The following NCAM1 variants were observed in gnomAD, a reference collection of about 807,000 sequenced individuals.
NCAM1 encodes neural cell adhesion molecule 1.
In NCAM1, 14 loss-of-function variants were observed where a neutral mutation model predicts 109.8. That is an observed-to-expected ratio of 0.13 (90% CI 0.08 to 0.20). The LOEUF (loss-of-function observed/expected upper bound fraction) is 0.20, where lower values mean the gene tolerates loss of function less well. NCAM1 is among the 10% of genes least tolerant of loss of function. The pLI, the probability that NCAM1 is intolerant of heterozygous loss-of-function variation, is 1.00. For missense variants in NCAM1, 774 were observed against 1,109.9 expected (o/e 0.70, Z 4.30); for synonymous variants, 418 against 442.9 (o/e 0.94, Z 0.70).
At chr11:113,126,247 G>A (rs1466889729) in intron 1 of NCAM1, among the ~76,000 whole-genome samples, 1 of 151,622 alleles carries the variant, frequency 6.6e-6, no homozygotes, top group East Asian at 1.9e-4. Context: ...AATAAAAACA[G>A]TAAATAGCTG....
chr11:113,127,567 C>T (rs1179630402), intron 1 of NCAM1, among the ~76,000 whole-genome samples: 1 of 152,122 alleles, frequency 6.6e-6, no homozygotes. Flanking sequence ...TATTTTTAAA[C>T]CCCCATTGCT....
At chr11:113,039,542 G>T (rs1341729509) in intron 1 of NCAM1, among the ~76,000 whole-genome samples, 1 of 152,140 alleles carries the variant, frequency 6.6e-6, no homozygotes, top group East Asian at 1.9e-4. Context: ...AAACCAAAAA[G>T]CAGACCAATT....
At chr11:113,228,338 T>C (rs1392922578) in intron 9 of NCAM1, among the ~76,000 whole-genome samples, 1 of 152,138 alleles carries the variant, frequency 6.6e-6, no homozygotes, top group Non-Finnish European at 1.5e-5. Context: ...TCACAATTGC[T>C]TCAAAGAGAA....
chr11:113,243,496 T>C, intron 14 of NCAM1: 1 of 501,624 alleles, frequency 2.0e-6, no homozygotes, highest in East Asian at 5.6e-5. Context: ...AGTGCTGGAA[T>C]TTATCTCTTG....
At chr11:113,191,700 GAGAT>G (rs1316181152) in intron 1 of NCAM1, among the ~76,000 whole-genome samples, 62 of 151,786 alleles carry the variant, frequency 4.1e-4, no homozygotes, top group South Asian at 1.0e-3. Flanking sequence ...AAGATAGATA[GAGAT>G]AGATAGATAC....
chr11:113,252,839 C>G (rs1448906469), intron 15 of NCAM1, among the ~76,000 whole-genome samples: 3 of 100,526 alleles, frequency 3.0e-5, no homozygotes, highest in African/African-American at 1.1e-4. Context: ...TTGGTAGAGA[C>G]AGAGTTTCAC....
rs192323000 is a variant in NCAM1 at position 113,264,267 on chromosome 11, G to A, written c.2131+3944G>A. On this transcript the variant is annotated intron_variant, in intron 17 of 19. Transcript: ENST00000316851. The stretch of plus-strand genomic sequence containing the variant: ...TTTTCTGTTGTTATTATTTTTTAAT[G>A]TTCAAAGACTAGCCTTTCCCTTTGG... 5 of 984,970 alleles carry A rather than the reference G, an allele frequency of 5.1e-6. No homozygotes were observed. In the African/African-American group the frequency reaches 8.8e-5, roughly 17 times the overall value. The allele number at this position is 984,970 out of a possible 1,614,324, so 61.0% of individuals were successfully genotyped here.
chr11:113,056,010 TATATATATATATATAAA>T (rs1565409276), intron 1 of NCAM1, among the ~76,000 whole-genome samples: 2 of 116,050 alleles, frequency 1.7e-5, no homozygotes, highest in Non-Finnish European at 3.5e-5. Flanking sequence ...TATATATATA[TATATATATATATATAAA>T]ATATATATAT....
chr11:113,003,301 G>A (rs532582251), intron 1 of NCAM1, among the ~76,000 whole-genome samples: 2 of 152,282 alleles, frequency 1.3e-5, no homozygotes, highest in South Asian at 4.1e-4. Flanking sequence ...TCATTTTACC[G>A]CTAATGCTTT....
intron 3 of NCAM1, among the ~76,000 whole-genome samples, chr11:113,205,133 T>C (rs1461672954): frequency 8.6e-5 from 13 of 152,010 alleles, no homozygotes; most frequent in Non-Finnish European, 2.9e-5. Flanking sequence ...GCAGTTCGAG[T>C]GGGAGACAAG....
chr11:113,167,641 T>C (rs1555105482), intron 1 of NCAM1, among the ~76,000 whole-genome samples: 1 of 150,882 alleles, frequency 6.6e-6, no homozygotes, highest in Non-Finnish European at 1.5e-5. Flanking sequence ...GTTGAGTTAG[T>C]GGTGTGCAGA....
chr11:113,202,823 G>A (rs1021699965), intron 2 of NCAM1, among the ~76,000 whole-genome samples: 6 of 152,258 alleles, frequency 3.9e-5, no homozygotes, highest in Middle Eastern at 3.4e-3. Context: ...ACAATACTTC[G>A]GTGGATCTGT....
intron 17 of NCAM1, chr11:113,264,331 G>A (rs2137702096): frequency 1.0e-6 from 1 of 985,352 alleles, no homozygotes; most frequent in Middle Eastern, 5.2e-4. Context: ...GAGGGGCAAA[G>A]CCACCTATGT....
intron 8 of NCAM1, among the ~76,000 whole-genome samples, chr11:113,219,866 G>A (rs1236789112): frequency 4.6e-5 from 7 of 152,340 alleles, no homozygotes; most frequent in Admixed American, 1.3e-4. Flanking sequence ...TTGGCCCACC[G>A]TTACTTTGGT....
intron 15 of NCAM1, among the ~76,000 whole-genome samples, chr11:113,249,861 A>C (rs1945614319): frequency 6.6e-6 from 1 of 152,076 alleles, no homozygotes; most frequent in African/African-American, 2.4e-5. Context: ...TTGCCACCGT[A>C]CCCCAACACA....
Position 112,961,562 on chromosome 11 carries a change from G to T in NCAM1, c.-51G>T, listed in dbSNP as rs782245249. 3.4e-6 allele frequency: 4 copies of T among 1,164,998 alleles called. No homozygotes were observed. The highest frequency in any genetic ancestry group is 1.7e-5 in the Admixed American group (1 of 59,238). 72.2% of individuals were successfully genotyped at this position (1,164,998 alleles called of 1,614,324 possible). ...CCGTCCACACTCGCTGCAGGGGGGG[G>T]GGCACAGAATTTACCGCGGCAAGAA... is the stretch of plus-strand genomic sequence containing the variant. On this transcript the variant is annotated 5_prime_UTR_variant, in exon 1 of 20. Coordinates refer to ENST00000316851, the MANE Select transcript of NCAM1 (RefSeq NM_181351.5).
At chr11:113,079,576 TGAA>T (rs1938693760) in intron 1 of NCAM1, among the ~76,000 whole-genome samples, 1 of 152,234 alleles carries the variant, frequency 6.6e-6, no homozygotes, top group Non-Finnish European at 1.5e-5. Context: ...AATGTGAACA[TGAA>T]GGTAATCTAT....
At chr11:113,191,301 G>A (rs1943666629) in intron 1 of NCAM1, among the ~76,000 whole-genome samples, 1 of 152,178 alleles carries the variant, frequency 6.6e-6, no homozygotes, top group Non-Finnish European at 1.5e-5. Context: ...GTGTAGCCAG[G>A]TGGGCTCAGG....
intron 1 of NCAM1, among the ~76,000 whole-genome samples, chr11:112,973,527 T>G (rs1164760993): frequency 2.0e-5 from 3 of 152,144 alleles, no homozygotes; most frequent in African/African-American, 7.2e-5. Flanking sequence ...CATGGACCTT[T>G]GGTATCAAAC....
Sources: allele counts gnomAD v4.1 joint callset (sites outside exome capture counted in the v4.1 genomes callset), GRCh38; gene constraint gnomAD v4.1.1; transcripts MANE v1.5; gene names NCBI Gene and HGNC (gene_info 2026-07-23, HGNC 2026-07-21).